The following TM6SF1 variants were observed in gnomAD, a reference collection of about 807,000 sequenced individuals.
TM6SF1 encodes transmembrane 6 superfamily member 1.
TM6SF1 carries 43 observed loss-of-function variants against 47.1 expected under a neutral mutation model. That is an observed-to-expected ratio of 0.91 (90% CI 0.72 to 1.18). The LOEUF (loss-of-function observed/expected upper bound fraction) is 1.18, where lower values mean the gene tolerates loss of function less well. Ranked by LOEUF, TM6SF1 falls within the 50% of genes most tolerant of loss-of-function variation. TM6SF1 has a pLI of 0.00. For missense variants in TM6SF1, 390 were observed against 449.0 expected (o/e 0.87, Z 1.19); for synonymous variants, 177 against 166.3 (o/e 1.06, Z -0.49).
chr15:83,136,799 T>A lies in TM6SF1; in HGVS notation c.*127T>A. 9.2e-6 allele frequency: 7 copies of A among 761,300 alleles called. No individual in the cohort carries two copies. The highest frequency in any genetic ancestry group is 1.2e-5 in the Non-Finnish European group (6 of 490,054). 47.2% of individuals were successfully genotyped at this position (761,300 alleles called of 1,614,324 possible). ...GAATATGTACATTCTTGCTCTGCAC[T>A]GTATGTGTGAGCTATATGGTATTGT... On this transcript the variant is annotated 3_prime_UTR_variant, in exon 10 of 10. Transcript: ENST00000322019.
At chr15:83,134,356 G>GCTGTA (rs2036470772) in intron 9 of TM6SF1, 1 of 152,208 alleles carries the variant, frequency 6.6e-6, no homozygotes, top group Non-Finnish European at 1.5e-5. Context: ...GAGCAGCTGA[G>GCTGTA]ATTACAGGCG....
intron 9 of TM6SF1, chr15:83,134,965 C>A (rs969132161): frequency 4.6e-5 from 7 of 152,210 alleles, no homozygotes; most frequent in African/African-American, 1.7e-4. Flanking sequence ...GTCCTCAGAG[C>A]CCAGAGATGC....
In TM6SF1 at chr15:83,137,282, A is replaced by G. The variant is rs1411623799; in HGVS notation, c.*610A>G. ...AACTTTATCTCTATCCTTAATGAAC[A>G]TTTGTTTTATTGGTGGCTGGAAATA... On this transcript the variant is annotated 3_prime_UTR_variant, in exon 10 of 10. Coordinates refer to ENST00000322019, the MANE Select transcript of TM6SF1 (RefSeq NM_023003.5). 1 of 152,146 alleles carries G rather than the reference A, an allele frequency of 6.6e-6. No homozygotes were observed. Among genetic ancestry groups the G allele is most frequent in the African/African-American group, 2.4e-5 (1 of 41,454 alleles). The allele number at this position is 152,146 out of a possible 1,614,324, so 9.4% of individuals were successfully genotyped here. A position where few individuals can be genotyped will look rare whatever the true frequency, so the allele number is the denominator to read the frequency against.
chr15:83,108,815 T>G (rs372123922), intron 1 of TM6SF1, among the ~76,000 whole-genome samples: 1 of 152,224 alleles, frequency 6.6e-6, no homozygotes, highest in Non-Finnish European at 1.5e-5. Flanking sequence ...TCCAGCTGCC[T>G]GGCCGCCTGA....
chr15:83,125,905 G>A (rs1024207576), intron 7 of TM6SF1, among the ~76,000 whole-genome samples: 1 of 152,204 alleles, frequency 6.6e-6, no homozygotes, highest in Non-Finnish European at 1.5e-5. Context: ...GAGGGGCATG[G>A]GGAAGAGAAG....
chr15:83,111,020 G>A (rs551330749), intron 1 of TM6SF1, among the ~76,000 whole-genome samples: 26 of 152,132 alleles, frequency 1.7e-4, no homozygotes, highest in African/African-American at 5.8e-4. Flanking sequence ...ACAGGCATCC[G>A]CCACCTCGCC....
Position 83,124,765 on chromosome 15 carries a change from T to C in TM6SF1, c.697T>C (p.Phe233Leu). The C allele has an allele frequency of 6.2e-7, 1 of 1,613,576 alleles. No homozygotes were observed. The highest frequency in any genetic ancestry group is 1.1e-5 in the South Asian group (1 of 91,070). ...CLLLATGFCL[F>L]RGLIALDCPS... is the part of the protein sequence containing the mutation. Reference sequence around the variant, plus strand: ...CCTCCTGGCAACTGGATTTTGCCTGTTCAGAGGTTTGGTAAGCATAACAGA... The same window carrying C: ...CCTCCTGGCAACTGGATTTTGCCTGCTCAGAGGTTTGGTAAGCATAACAGA... The change falls in exon 7 of 10, where the codon TTC becomes CTC. Residue 233 changes from phenylalanine (F) to leucine (L), a missense_variant. Coordinates refer to ENST00000322019, the MANE Select transcript of TM6SF1 (RefSeq NM_023003.5).
rs573527715 is a variant in TM6SF1, at chr15:83,127,355, C to T, written c.802-3C>T. On this transcript the variant is annotated splice_polypyrimidine_tract_variant and splice_region_variant and intron_variant, in intron 8 of 9. Coordinates refer to ENST00000322019, the MANE Select transcript of TM6SF1 (RefSeq NM_023003.5). ...GATGATGTTATTTCTCTGTTCAATACAGATGCTGGCATATATGTTCTATTC... is the reference window on the plus strand; with the variant it reads ...GATGATGTTATTTCTCTGTTCAATATAGATGCTGGCATATATGTTCTATTC... The T allele has an allele frequency of 5.6e-6, 9 of 1,610,556 alleles. No individual in the cohort carries two copies. The highest frequency in any genetic ancestry group is 4.5e-5 in the East Asian group (2 of 44,744).
At chr15:83,133,118 C>T (rs2151384949) in intron 9 of TM6SF1, 1 of 152,346 alleles carries the variant, frequency 6.6e-6, no homozygotes, top group Non-Finnish European at 1.5e-5. Flanking sequence ...TCACCCGAGG[C>T]CATACGGCTG....
intron 9 of TM6SF1, chr15:83,132,298 T>A (rs868844059): frequency 6.6e-6 from 1 of 152,198 alleles, no homozygotes; most frequent in African/African-American, 2.4e-5. Flanking sequence ...GACAAACTAA[T>A]TAAATTAAGT....
intron 8 of TM6SF1, among the ~76,000 whole-genome samples, 189 bp from the exon 9 acceptor site, chr15:83,127,169 G>A (rs1003919576): frequency 6.6e-6 from 1 of 151,158 alleles, no homozygotes; most frequent in Admixed American, 6.6e-5. Context: ...ACTCCAGCCT[G>A]AGTGACAGAG....
intron 2 of TM6SF1, 45 bp downstream of exon 2, chr15:83,112,945 C>A: frequency 7.0e-7 from 1 of 1,435,260 alleles, no homozygotes; most frequent in South Asian, 1.1e-5. Context: ...ATTAATAACA[C>A]AATACTTTCA....
chr15:83,107,704 G>T lies in TM6SF1; in HGVS notation c.24G>T (p.Gly8=). The change falls in exon 1 of 10, where the codon GGG becomes GGT. Residue 8 remains glycine, a synonymous_variant. Transcript: ENST00000322019. The surrounding 1 kb of genome is among the most constrained non-coding windows in gnomAD (Gnocchi z 5.6). ...CGATGAGTGCCTCTGCGGCCACCGG[G>T]GTCTTCGTGCTGTCCCTCTCGGCCA... MSASAAT[G]VFVLSLSAIP... is the part of the protein sequence containing the mutation. 1 of 1,565,750 alleles carries T rather than the reference G, an allele frequency of 6.4e-7. No homozygotes were observed. Among genetic ancestry groups the T allele is most frequent in the East Asian group, 2.6e-5 (1 of 38,460 alleles).
At chr15:83,120,698 AC>A (rs1023094296) in intron 4 of TM6SF1, among the ~76,000 whole-genome samples, 7 of 149,774 alleles carry the variant, frequency 4.7e-5, no homozygotes, top group African/African-American at 1.7e-4. Flanking sequence ...AGCTGGGACT[AC>A]AGGCGTGTGT....
intron 3 of TM6SF1, among the ~76,000 whole-genome samples, 154 bp downstream of exon 3, chr15:83,116,096 A>C (rs1596479128): frequency 6.6e-6 from 1 of 152,314 alleles, no homozygotes; most frequent in East Asian, 1.9e-4. Flanking sequence ...AGTCACATGG[A>C]AAGTGGAGCA....
Position 83,107,950 on chromosome 15 carries a change from G to GGCCGGGTCTTGGA in TM6SF1, c.92+185_92+197dup. ...AGGGGGGCGCCCCAGGGGTCGCACG[G>GGCCGGGTCTTGGA]GCCGGGTCTTGGAGCCGGGCCCTGA... On this transcript the variant is annotated intron_variant, in intron 1 of 9. Coordinates refer to ENST00000322019, the MANE Select transcript of TM6SF1 (RefSeq NM_023003.5). The surrounding 1 kb of genome is among the most constrained non-coding windows in gnomAD (Gnocchi z 5.6). 1 of 1,232,710 alleles carries GGCCGGGTCTTGGA rather than the reference G, an allele frequency of 8.1e-7. No individual in the cohort carries two copies. The highest frequency in any genetic ancestry group is 1.0e-6 in the Non-Finnish European group (1 of 967,670). The allele number at this position is 1,232,710 out of a possible 1,614,324, so 76.4% of individuals were successfully genotyped here.
chr15:83,111,454 C>T, intron 1 of TM6SF1: 1 of 181,544 alleles, frequency 5.5e-6, no homozygotes, highest in African/African-American at 2.4e-5. Context: ...ATCATCTATC[C>T]ATCCTTTCAT....
intron 3 of TM6SF1, among the ~76,000 whole-genome samples, chr15:83,117,748 G>A (rs2034804188): frequency 6.6e-6 from 1 of 152,070 alleles, no homozygotes; most frequent in Non-Finnish European, 1.5e-5. Flanking sequence ...GGTCCAGCAG[G>A]CTGTGACAAG....
intron 2 of TM6SF1, chr15:83,113,354 C>G (rs1020540122): frequency 6.1e-6 from 1 of 163,498 alleles, no homozygotes; most frequent in Non-Finnish European, 1.3e-5. Context: ...CTTGTATGAC[C>G]CTGAGCACTT....
Sources: gnomAD v4.1 joint callset for allele counts (sites outside exome capture counted in the v4.1 genomes callset) on GRCh38, gnomAD v4.1.1 for gene constraint, Gnocchi (gnomAD v3.1) non-coding constraint, MANE v1.5 for transcripts, NCBI Gene and HGNC (gene_info 2026-07-23, HGNC 2026-07-21) for gene names.